Variants in CNTLN observed in about 807,000 individuals in gnomAD.
The protein encoded by CNTLN is centlein, centrosomal protein.
CNTLN carries 212 observed loss-of-function variants against 180.0 expected under a neutral mutation model. The ratio of observed to expected loss-of-function variants is 1.18; its 90% CI spans 1.05 to 1.32. The LOEUF (loss-of-function observed/expected upper bound fraction) is 1.32, where lower values mean the gene tolerates loss of function less well. Among genes scored for constraint, CNTLN ranks in the 40% most tolerant of loss-of-function variants. The pLI is 0.00. For synonymous variants in CNTLN, 722 were observed against 563.1 expected, an observed-to-expected ratio of 1.28 and a Z score of -3.99; for missense variants, 2,095 against 1,610.9, an observed-to-expected ratio of 1.30 and a Z score of -5.14.
At chr9:17,257,149 C>A (rs1361692842) in intron 5 of CNTLN, among the ~76,000 whole-genome samples, 1 of 151,750 alleles carries the variant, frequency 6.6e-6, no homozygotes, top group Non-Finnish European at 1.5e-5. Context: ...ACAACAGTCC[C>A]CAGAGTGTGA....
intron 18 of CNTLN, among the ~76,000 whole-genome samples, chr9:17,424,760 C>A (rs991353148): frequency 3.3e-5 from 5 of 152,116 alleles, no homozygotes; most frequent in African/African-American, 1.2e-4. Flanking sequence ...AGCTTTATAA[C>A]AGGAGGAAGA....
intron 5 of CNTLN, among the ~76,000 whole-genome samples, chr9:17,264,831 GCTCT>G (rs1168528564): frequency 1.2e-4 from 18 of 151,576 alleles, no homozygotes; most frequent in South Asian, 4.2e-4. Context: ...TCATGATTTG[GCTCT>G]CTGTTTGTCT....
At chr9:17,316,577 G>A (rs1342848753) in intron 8 of CNTLN, among the ~76,000 whole-genome samples, 12 of 152,038 alleles carry the variant, frequency 7.9e-5, no homozygotes, top group Admixed American at 2.0e-4. Flanking sequence ...TGTACTGAAT[G>A]CATATTGCTT....
intron 12 of CNTLN, among the ~76,000 whole-genome samples, chr9:17,347,751 C>T (rs917951311): frequency 6.6e-6 from 1 of 151,832 alleles, no homozygotes; most frequent in Non-Finnish European, 1.5e-5. Context: ...CATAGCTTAG[C>T]CTAGACTACC....
chr9:17,139,391 A>G (rs377714270), intron 1 of CNTLN, among the ~76,000 whole-genome samples: 2 of 151,800 alleles, frequency 1.3e-5, no homozygotes, highest in South Asian at 2.1e-4. Context: ...TGGCCTGAGA[A>G]TAAAGAATTT....
At chr9:17,352,226 C>G (rs1936906136) in intron 12 of CNTLN, among the ~76,000 whole-genome samples, 1 of 151,716 alleles carries the variant, frequency 6.6e-6, no homozygotes. Flanking sequence ...GAGTACTTCT[C>G]TTTGGGGTTA....
chr9:17,428,973 G>T (rs1291271870), intron 18 of CNTLN, among the ~76,000 whole-genome samples: 1 of 151,740 alleles, frequency 6.6e-6, no homozygotes, highest in East Asian at 1.9e-4. Context: ...ACGATTTGAG[G>T]CAGTTAGTGT....
intron 5 of CNTLN, among the ~76,000 whole-genome samples, chr9:17,263,311 C>A (rs1251241079): frequency 6.7e-6 from 1 of 148,444 alleles, no homozygotes; most frequent in East Asian, 2.0e-4. Context: ...TTTGTCCTTG[C>A]GATAGTTTGC....
At chr9:17,267,559 G>C (rs1043905669) in intron 5 of CNTLN, among the ~76,000 whole-genome samples, 4 of 151,686 alleles carry the variant, frequency 2.6e-5, no homozygotes, top group East Asian at 1.9e-4. Flanking sequence ...GGCGTTCTCT[G>C]TGTTTCCTGA....
chr9:17,213,008 G>T (rs1317313468), intron 2 of CNTLN, among the ~76,000 whole-genome samples: 1 of 151,990 alleles, frequency 6.6e-6, no homozygotes, highest in East Asian at 1.9e-4. Flanking sequence ...AAAACCAGCT[G>T]CTAGATTCAT....
chr9:17,525,260 A>G, the CNTLN span, among the ~76,000 whole-genome samples: 2 of 152,306 alleles, frequency 1.3e-5, no homozygotes, highest in Non-Finnish European at 2.9e-5. Context: ...CCTTTCAGTC[A>G]TTTTTGAGGT....
intron 5 of CNTLN, among the ~76,000 whole-genome samples, chr9:17,241,123 G>T (rs1235523608): frequency 6.6e-6 from 1 of 152,174 alleles, no homozygotes; most frequent in Non-Finnish European, 1.5e-5. Flanking sequence ...CTCCCAAAGT[G>T]CTGGGATTAC....
intron 25 of CNTLN, among the ~76,000 whole-genome samples, chr9:17,492,877 T>C (rs1040901181): frequency 2.0e-5 from 3 of 152,196 alleles, no homozygotes; most frequent in Non-Finnish European, 4.4e-5. Context: ...AAATGTGGTT[T>C]ATGCATACAG....
intron 5 of CNTLN, among the ~76,000 whole-genome samples, chr9:17,251,762 G>A (rs766454907): frequency 4.1e-4 from 62 of 151,762 alleles, no homozygotes; most frequent in Non-Finnish European, 1.6e-4. Context: ...GTCTCTTTCA[G>A]TTGCTTCGAA....
rs532242457 is a variant in CNTLN, at chr9:17,284,399, T to A, written c.983+10533T>A. Reference sequence around the variant, plus strand: ...TGTAAATCCACTGGTCATGGGCTTTTTTTTGGCTGGTAGGGTATTTGTTAC... The same window carrying A: ...TGTAAATCCACTGGTCATGGGCTTTATTTTGGCTGGTAGGGTATTTGTTAC... On this transcript the variant is annotated intron_variant, in intron 6 of 25. Transcript: ENST00000380647. 2.0e-5 allele frequency among the ~76,000 whole-genome samples: 3 copies of A among 152,276 alleles called. No homozygotes were observed. The South Asian group carries it at 6.2e-4, about 32-fold the overall frequency.
At chr9:17,372,371 A>G (rs904015738) in intron 13 of CNTLN, among the ~76,000 whole-genome samples, 2 of 152,160 alleles carry the variant, frequency 1.3e-5, no homozygotes, top group Admixed American at 1.3e-4. Flanking sequence ...TGGAAAATCT[A>G]GAAGAAATGG....
chr9:17,496,539 C>G (rs542994214), intron 25 of CNTLN, among the ~76,000 whole-genome samples: 1 of 152,274 alleles, frequency 6.6e-6, no homozygotes, highest in Admixed American at 6.5e-5. Flanking sequence ...CATCACATTG[C>G]AGTTTAGGAT....
chr9:17,511,169 T>G, the CNTLN span, among the ~76,000 whole-genome samples: 2 of 152,184 alleles, frequency 1.3e-5, no homozygotes, highest in Non-Finnish European at 1.5e-5. Flanking sequence ...CTCCAAAACC[T>G]GCTTATGTGG....
intron 6 of CNTLN, among the ~76,000 whole-genome samples, chr9:17,294,040 G>C (rs1817607343): frequency 6.6e-6 from 1 of 152,154 alleles, no homozygotes; most frequent in Admixed American, 6.5e-5. Context: ...GGCGTGTCCG[G>C]AGTTTGTTCC....
Sources: gnomAD v4.1 joint callset for allele counts (sites outside exome capture counted in the v4.1 genomes callset) on GRCh38, gnomAD v4.1.1 for gene constraint, MANE v1.5 for transcripts, NCBI Gene and HGNC (gene_info 2026-07-23, HGNC 2026-07-21) for gene names.